The following TFEC variants were observed in gnomAD, a reference collection of about 807,000 sequenced individuals.
TFEC encodes the protein transcription factor EC.
In TFEC, 31 loss-of-function variants were observed where a neutral mutation model predicts 41.6. That is an observed-to-expected ratio of 0.74 (90% CI 0.56 to 1.01). The LOEUF (loss-of-function observed/expected upper bound fraction) is 1.01. Among genes scored for constraint, TFEC ranks in the 50% least tolerant of loss-of-function variants. The pLI is 0.00. For missense variants in TFEC, 402 were observed against 404.1 expected, an observed-to-expected ratio of 0.99 and a Z score of 0.04; for synonymous variants, 143 against 140.6, an observed-to-expected ratio of 1.02 and a Z score of -0.12.
At position 115,944,013 on chromosome 7, in the gene TFEC, A is replaced by ATTTTTTTTT. The variant is rs1160114562; in HGVS notation, c.516-1982_516-1974dup. Reference sequence around the variant, plus strand: ...GAAAATAATACTATGACAGGTCTGAATTTTTTTTTTTTTTTTTTTTTTTTT... The same window carrying ATTTTTTTTT: ...GAAAATAATACTATGACAGGTCTGAATTTTTTTTTTTTTTTTTTTTTTTTTTTTTTTTTT... On this transcript the variant is annotated intron_variant, in intron 6 of 7. Transcript: ENST00000265440. 2.1e-3 allele frequency among the ~76,000 whole-genome samples: 47 copies of ATTTTTTTTT among 22,820 alleles called. 9 individuals are homozygous for ATTTTTTTTT. Among genetic ancestry groups the ATTTTTTTTT allele is most frequent in the African/African-American group, 3.0e-3 (24 of 8,030 alleles). The allele number at this position is 22,820 out of a possible 152,430, so 15.0% of individuals were successfully genotyped here.
At chr7:116,003,218 C>T (rs1794664888) in intron 1 of TFEC, among the ~76,000 whole-genome samples, 1 of 151,006 alleles carries the variant, frequency 6.6e-6, no homozygotes, top group African/African-American at 2.4e-5. Context: ...CCTCACACTC[C>T]TCTCTCACAT....
chr7:116,067,054 A>G (rs901207926), intron 3 of TFEC, among the ~76,000 whole-genome samples: 1 of 152,038 alleles, frequency 6.6e-6, no homozygotes. Flanking sequence ...ATATATTTTA[A>G]TTAACTTTTA....
intron 1 of TFEC, among the ~76,000 whole-genome samples, chr7:116,008,755 G>C (rs1524476): frequency 4.6e-5 from 7 of 152,106 alleles, no homozygotes; most frequent in Non-Finnish European, 1.0e-4. Flanking sequence ...ATACAGTCGA[G>C]CTTGTCTGAT....
chr7:116,127,426 G>A (rs770859546), intron 1 of TFEC, among the ~76,000 whole-genome samples: 1 of 152,160 alleles, frequency 6.6e-6, no homozygotes, highest in Non-Finnish European at 1.5e-5. Flanking sequence ...GTGTCGTTTA[G>A]TTGATGAGAA....
intron 3 of TFEC, among the ~76,000 whole-genome samples, chr7:116,104,990 T>A (rs1218085291): frequency 6.6e-6 from 1 of 152,190 alleles, no homozygotes; most frequent in Non-Finnish European, 1.5e-5. Flanking sequence ...CCATAAGTTT[T>A]ACCTCTGTGT....
At chr7:116,032,731 C>T (rs1286497747), upstream of TFEC, among the ~76,000 whole-genome samples, 1 of 151,924 alleles carries the variant, frequency 6.6e-6, no homozygotes, top group African/African-American at 2.4e-5. Context: ...AATTAATGGG[C>T]ACTAGGCTTA....
chr7:116,120,386 TTCAG>T (rs1251603497), intron 1 of TFEC: 6 of 151,996 alleles, frequency 3.9e-5, no homozygotes, highest in African/African-American at 1.2e-4. Flanking sequence ...AAGTCACTAG[TTCAG>T]TCAGGCTTTT....
At chr7:116,069,007 A>G (rs1796760726) in intron 3 of TFEC, among the ~76,000 whole-genome samples, 1 of 151,752 alleles carries the variant, frequency 6.6e-6, no homozygotes, top group African/African-American at 2.4e-5. Context: ...ATGATTCTTT[A>G]AGATTTGTCA....
At chr7:115,964,218 T>C (rs1792724566) in intron 3 of TFEC, among the ~76,000 whole-genome samples, 2 of 151,604 alleles carry the variant, frequency 1.3e-5, no homozygotes, top group African/African-American at 4.8e-5. Flanking sequence ...TTAATAGTGG[T>C]AATCGTATTA....
intron 3 of TFEC, among the ~76,000 whole-genome samples, chr7:116,104,683 A>C (rs1797676612): frequency 6.6e-6 from 1 of 152,078 alleles, no homozygotes; most frequent in Admixed American, 6.5e-5. Flanking sequence ...CTCTATAGGC[A>C]GAGGGACTTT....
At chr7:116,159,765 TTAAA>T (rs1194885145) in intron 1 of TFEC, 1 of 152,134 alleles carries the variant, frequency 6.6e-6, no homozygotes, top group Non-Finnish European at 1.5e-5. Context: ...GTAGTTCCAA[TTAAA>T]TAATTCAGAG....
At chr7:116,020,130 G>GAGGATAGGTTAAGGACTTCTGA (rs1204637047) in intron 1 of TFEC, among the ~76,000 whole-genome samples, 3 of 152,192 alleles carry the variant, frequency 2.0e-5, no homozygotes, top group South Asian at 2.1e-4. Context: ...AGTGGGGCCA[G>GAGGATAGGTTAAGGACTTCTGA]AGGATAGGTT....
chr7:116,060,367 T>C (rs1052172375), intron 3 of TFEC, among the ~76,000 whole-genome samples: 2 of 152,136 alleles, frequency 1.3e-5, no homozygotes, highest in Admixed American at 6.6e-5. Flanking sequence ...ACTGGATATA[T>C]ACCCAGATGA....
At chr7:116,038,660 G>T (rs555230152) in intron 3 of TFEC, among the ~76,000 whole-genome samples, 3 of 152,096 alleles carry the variant, frequency 2.0e-5, no homozygotes, top group East Asian at 3.9e-4. Context: ...TGTAATGTTA[G>T]AATGTTCCCA....
chr7:116,157,479 A>C lies in TFEC; in HGVS notation c.-69+2311T>G, dbSNP rs530158707. On this transcript the variant is annotated intron_variant, in intron 1 of 8. Transcript: ENST00000484212. ...CATATAGAATAACACAATAAGGAAA[A>C]GGTATTCCAAAACTGAAATGGGTTT... The C allele has an allele frequency of 7.9e-5, 12 of 152,328 alleles. No homozygotes were observed. The East Asian group carries it at 2.3e-3, about 29-fold the overall frequency. 9.4% of individuals were successfully genotyped at this position (152,328 alleles called of 1,614,324 possible).
intron 3 of TFEC, among the ~76,000 whole-genome samples, chr7:116,080,253 C>T (rs1383134427): frequency 6.6e-6 from 1 of 152,020 alleles, no homozygotes; most frequent in Non-Finnish European, 1.5e-5. Flanking sequence ...CCCTTCTAGA[C>T]ATTGGCTTAG....
At chr7:115,954,424 A>C (rs988633082) in intron 5 of TFEC, among the ~76,000 whole-genome samples, 162 bp downstream of exon 5, 19 of 152,060 alleles carry the variant, frequency 1.2e-4, no homozygotes, top group African/African-American at 4.3e-4. Context: ...CTTTTCTGAG[A>C]GCTCACATTG....
rs1793411052 is a variant in TFEC, at chr7:115,940,087, A to C, written c.*464T>G. ...TGAACTTTAGACATGTCTACTAGAC[A>C]ATGGAGAAAGGCAATGACCACCTGA... is the stretch of plus-strand genomic sequence containing the variant. On this transcript the variant is annotated 3_prime_UTR_variant, in exon 8 of 8. Coordinates refer to ENST00000265440, the MANE Select transcript of TFEC (RefSeq NM_012252.4). 1 of 153,408 alleles carries C rather than the reference A, an allele frequency of 6.5e-6. No individual in the cohort carries two copies. Among genetic ancestry groups the C allele is most frequent in the Non-Finnish European group, 1.5e-5 (1 of 68,962 alleles). The allele number at this position is 153,408 out of a possible 1,614,324, so 9.5% of individuals were successfully genotyped here.
intron 3 of TFEC, among the ~76,000 whole-genome samples, chr7:116,039,028 T>C (rs1400946252): frequency 6.6e-6 from 1 of 152,086 alleles, no homozygotes; most frequent in Non-Finnish European, 1.5e-5. Flanking sequence ...TCATCACTTC[T>C]ATCCATCATT....
Sources: gnomAD v4.1 joint callset for allele counts (sites outside exome capture counted in the v4.1 genomes callset) on GRCh38, gnomAD v4.1.1 for gene constraint, MANE v1.5 for transcripts, NCBI Gene and HGNC (gene_info 2026-07-23, HGNC 2026-07-21) for gene names.